Variants in NFIB observed in about 807,000 individuals in gnomAD.
The protein encoded by NFIB is nuclear factor 1 B-type.
NFIB carries 11 observed loss-of-function variants against 61.5 expected under a neutral mutation model. That is an observed-to-expected ratio of 0.18 (90% CI 0.11 to 0.30). The LOEUF is 0.30. Among genes scored for constraint, NFIB ranks in the 10% least tolerant of loss-of-function variants. NFIB has a pLI of 1.00. For synonymous variants in NFIB, 260 were observed against 216.5 expected (o/e 1.20, Z -1.76); for missense variants, 471 against 608.9 (o/e 0.77, Z 2.38).
intron 3 of NFIB, among the ~76,000 whole-genome samples, chr9:14,156,934 T>C (rs1431610612): frequency 2.0e-5 from 3 of 152,196 alleles, no homozygotes; most frequent in Non-Finnish European, 4.4e-5. Flanking sequence ...AGGAATTAGA[T>C]GCAGTTCAGA....
chr9:14,485,243 T>C, the NFIB span, among the ~76,000 whole-genome samples: 31 of 152,324 alleles, frequency 2.0e-4, no homozygotes, highest in African/African-American at 7.5e-4. Context: ...GTCAAAGAGC[T>C]CTAGGGAAGG....
At chr9:14,139,945 A>G (rs935417094) in intron 6 of NFIB, among the ~76,000 whole-genome samples, 3 of 152,336 alleles carry the variant, frequency 2.0e-5, no homozygotes, top group East Asian at 3.9e-4. Context: ...AAATTCACTT[A>G]GAGTTCTTTA....
At chr9:14,406,812 G>A in the NFIB span, among the ~76,000 whole-genome samples, 4 of 152,294 alleles carry the variant, frequency 2.6e-5, no homozygotes, top group Non-Finnish European at 5.9e-5. Flanking sequence ...AGGTGATCCT[G>A]GAAGTCCAAT....
At chr9:14,385,572 C>T (rs911474196) in intron 1 of NFIB, among the ~76,000 whole-genome samples, 6 of 152,184 alleles carry the variant, frequency 3.9e-5, no homozygotes, top group African/African-American at 1.4e-4. Context: ...ACAGACAATT[C>T]TTACTTAGAA....
chr9:14,219,381 T>TATAAAAAAAA (rs2051351020), intron 2 of NFIB, among the ~76,000 whole-genome samples: 1 of 73,504 alleles, frequency 1.4e-5, no homozygotes, highest in Non-Finnish European at 2.4e-5. Flanking sequence ...AGCACTAGGG[T>TATAAAAAAAA]AAAAAAAAAA....
chr9:14,169,024 C>G (rs959086216), intron 3 of NFIB, among the ~76,000 whole-genome samples: 7 of 152,216 alleles, frequency 4.6e-5, no homozygotes, highest in Admixed American at 2.6e-4. Context: ...TGATCATCTT[C>G]TAGTTCTATC....
At chr9:14,508,055 CA>C in the NFIB span, among the ~76,000 whole-genome samples, 1 of 151,208 alleles carries the variant, frequency 6.6e-6, no homozygotes, top group East Asian at 1.9e-4. Context: ...GAATATTAAG[CA>C]CATGAATCCA....
Position 14,112,949 on chromosome 9 carries a change from C to T in NFIB, c.1467+50G>A, listed in dbSNP as rs142080696. 379 of 1,524,414 alleles carry T rather than the reference C, an allele frequency of 2.5e-4. 4 individuals are homozygous for T. In the South Asian group the frequency reaches 3.9e-3, roughly 16 times the overall value. 94.4% of individuals were successfully genotyped at this position (1,524,414 alleles called of 1,614,324 possible). Reference sequence around the variant, plus strand: ...ATCTGAGAGGCAACATGGAGAAGCACGGAAGCGAAAGCGTGGCTACACCGT... The same window carrying T: ...ATCTGAGAGGCAACATGGAGAAGCATGGAAGCGAAAGCGTGGCTACACCGT... On this transcript the variant is annotated intron_variant, in intron 10 of 10. Transcript: ENST00000380953.
upstream of NFIB, among the ~76,000 whole-genome samples, chr9:14,403,452 T>G (rs1467232953): frequency 6.6e-6 from 1 of 152,170 alleles, no homozygotes; most frequent in Non-Finnish European, 1.5e-5. Flanking sequence ...TTTGTAATTT[T>G]CAGACTCTTA....
chr9:14,283,965 G>A (rs2058548776), intron 2 of NFIB, among the ~76,000 whole-genome samples: 1 of 152,206 alleles, frequency 6.6e-6, no homozygotes, highest in Non-Finnish European at 1.5e-5. Flanking sequence ...ATTATAAAAT[G>A]TAGCTTATAA....
chr9:14,125,504 C>T (rs1304197893), intron 7 of NFIB, 128 bp downstream of exon 7: 14 of 1,275,124 alleles, frequency 1.1e-5, no homozygotes, highest in Non-Finnish European at 1.5e-5. Flanking sequence ...TCGGATTGTG[C>T]CCCTCACCAT....
At chr9:14,393,250 C>A (rs1020213305) in intron 1 of NFIB, among the ~76,000 whole-genome samples, 2 of 152,112 alleles carry the variant, frequency 1.3e-5, no homozygotes, top group Non-Finnish European at 2.9e-5. Flanking sequence ...TCCCAGTGCA[C>A]TGGAACATCT....
rs539674174 is a variant in NFIB, at chr9:14,298,832, A to G, written c.562+8157T>C. Reference sequence around the variant, plus strand: ...TAGCAACTTAGCCAGGGCGTAAGTTACAGCGCAAATGAATTGTTTTAACAC... The same window carrying G: ...TAGCAACTTAGCCAGGGCGTAAGTTGCAGCGCAAATGAATTGTTTTAACAC... On this transcript the variant is annotated intron_variant, in intron 2 of 10. Transcript: ENST00000380953. Among the ~76,000 whole-genome samples the G allele has an allele frequency of 9.2e-5, 14 of 152,362 alleles. 1 individual carries two copies. The South Asian group carries it at 1.9e-3, about 20-fold the overall frequency.
chr9:14,395,298 C>T (rs562027849), intron 1 of NFIB, among the ~76,000 whole-genome samples: 14 of 141,076 alleles, frequency 9.9e-5, no homozygotes, highest in East Asian at 6.1e-4. Context: ...ATTAATATTT[C>T]GGGACAGCCA....
chr9:14,149,849 G>A (rs1339795883), intron 5 of NFIB, among the ~76,000 whole-genome samples: 1 of 152,216 alleles, frequency 6.6e-6, no homozygotes, highest in East Asian at 1.9e-4. Context: ...GCCATCAAAA[G>A]ATTTTGTTAA....
chr9:14,116,305 A>T lies in NFIB; in HGVS notation c.1287T>A (p.His429Gln). 3.3e-6 allele frequency: 5 copies of T among 1,537,806 alleles called. No individual in the cohort carries two copies. The highest frequency in any genetic ancestry group is 4.4e-6 in the Non-Finnish European group (5 of 1,140,384). Reference protein sequence around the residue: ...SGQVVGKVPGHFTPVLAPSPH... With the variant: ...SGQVVGKVPGQFTPVLAPSPH... The stretch of plus-strand genomic sequence containing the variant: ...GAGAGGGTGCCAAGACAGGAGTGAA[A>T]TGGCCAGGCACTTTCCCTACTACTT... The change falls in exon 9 of 11, where the codon CAT becomes CAA. Residue 429 changes from histidine to glutamine, a missense_variant. Physicochemically the swap from His to Gln is conservative, Grantham distance 24. Around this residue, in one of 2 missense-constraint regions of NFIB, gnomAD observed 372 missense variants for 395.6 expected, o/e 0.94. Transcript: ENST00000380953.
chr9:14,265,091 TG>T (rs1448781706), intron 2 of NFIB, among the ~76,000 whole-genome samples: 4 of 152,236 alleles, frequency 2.6e-5, no homozygotes, highest in Non-Finnish European at 4.4e-5. Flanking sequence ...CCGAATTTAT[TG>T]ATCTGGGAAA....
intron 1 of NFIB, among the ~76,000 whole-genome samples, chr9:14,326,706 A>AG (rs1482589017): frequency 2.6e-5 from 4 of 151,658 alleles, no homozygotes; most frequent in African/African-American, 9.7e-5. Context: ...CAGAAAAAAA[A>AG]AAAAAAAAAA....
At position 14,120,804 on chromosome 9, in the gene NFIB, G is replaced by T. The variant is rs2307079; in HGVS notation, c.1061-180C>A. Among the ~76,000 whole-genome samples, 34,597 of 151,846 alleles carry T rather than the reference G, an allele frequency of 0.23. 4,325 individuals are homozygous for T. The highest frequency in any genetic ancestry group is 0.33 in the African/African-American group (13,788 of 41,362). ...TCATTTTTATTCTCAACACCAGTAC[G>T]GCTAACTACACAGAGATAAAACATC... On this transcript the variant is annotated intron_variant, in intron 7 of 10. Coordinates refer to ENST00000380953, the MANE Select transcript of NFIB (RefSeq NM_001190737.2). This position sits in a 1 kb window ranked among gnomAD's most constrained non-coding sequence, Gnocchi z 4.4.
Sources: allele counts gnomAD v4.1 joint callset (sites outside exome capture counted in the v4.1 genomes callset), GRCh38; gene constraint gnomAD v4.1.1; regional missense constraint gnomAD v4.1.1; non-coding constraint Gnocchi (gnomAD v3.1); transcripts MANE v1.5; gene names NCBI Gene and HGNC (gene_info 2026-07-23, HGNC 2026-07-21).